The following RBL2 variants were observed in gnomAD, a reference collection of about 807,000 sequenced individuals.
RBL2 encodes RB transcriptional corepressor like 2.
A neutral mutation model predicts 126.0 loss-of-function variants in RBL2; 56 were observed. The observed-to-expected ratio is 0.44, with a 90% confidence interval of 0.36 to 0.56. The LOEUF is 0.56. Ranked by LOEUF, RBL2 falls within the 20% of genes least tolerant of loss-of-function variation. The pLI is 0.00. For synonymous variants in RBL2, 454 were observed against 478.5 expected (o/e 0.95, Z 0.67); for missense variants, 1,229 against 1,398.2 (o/e 0.88, Z 1.93).
chr16:53,435,659 G>A (rs1228449716), intron 1 of RBL2: 1 of 1,288,682 alleles, frequency 7.8e-7, no homozygotes, highest in African/African-American at 1.5e-5. Context: ...ATTTAAACCT[G>A]AGGCCATTTG....
At chr16:53,462,074 T>G (rs2058226873) in intron 10 of RBL2, among the ~76,000 whole-genome samples, 1 of 152,236 alleles carries the variant, frequency 6.6e-6, no homozygotes, top group South Asian at 2.1e-4. Flanking sequence ...GATGCTTTTT[T>G]ATCTGCAAAT....
intron 5 of RBL2, among the ~76,000 whole-genome samples, chr16:53,452,572 CT>C (rs2058125631): frequency 1.3e-5 from 2 of 152,036 alleles, no homozygotes. Context: ...TCCTCATATT[CT>C]TTTCTGTTCT....
rs764411886 is a variant in RBL2, at chr16:53,462,549, C to T, written c.1457-3C>T. ...GGGGTTTTTTTTTTTATTATTTCTACAGAAATTGCCAGCAAACATTTTCGT... is the reference window on the plus strand; with the variant it reads ...GGGGTTTTTTTTTTTATTATTTCTATAGAAATTGCCAGCAAACATTTTCGT... On this transcript the variant is annotated splice_region_variant and splice_polypyrimidine_tract_variant and intron_variant, in intron 10 of 21. Coordinates refer to ENST00000262133, the MANE Select transcript of RBL2 (RefSeq NM_005611.4). The T allele has an allele frequency of 2.7e-6, 4 of 1,495,236 alleles. No individual in the cohort carries two copies. Among genetic ancestry groups the T allele is most frequent in the Non-Finnish European group, 2.7e-6 (3 of 1,112,046 alleles). 92.6% of individuals were successfully genotyped at this position (1,495,236 alleles called of 1,614,324 possible).
At chr16:53,480,833 T>A in intron 20 of RBL2, 64 bp downstream of exon 20, 1 of 1,491,450 alleles carries the variant, frequency 6.7e-7, no homozygotes, top group African/African-American at 1.4e-5. Context: ...TCATTTATGA[T>A]TTATATATGG....
intron 15 of RBL2, 21 bp from the exon 16 acceptor site, chr16:53,470,362 G>A (rs564054623): frequency 1.2e-6 from 2 of 1,604,012 alleles, no homozygotes; most frequent in Admixed American, 3.4e-5. Context: ...TTTTCTTCAT[G>A]CTTTTTTTCT....
At position 53,459,553 on chromosome 16, in the gene RBL2, C is replaced by T. The variant is rs1303305126; in HGVS notation, c.1282C>T (p.Arg428Cys). The change falls in exon 9 of 22, where the codon CGT becomes TGT. Residue 428 changes from arginine to cysteine, a missense_variant. By Grantham distance (180) the Arg-to-Cys change is radical. Transcript: ENST00000262133. ...PVSTATHSLS[R>C]LHTMLTGLRN... ...TTCTACAGCTACGCATAGCTTGAGT[C>T]GTCTTCACACCATGCTGACAGGCCT... 6 of 1,607,054 alleles carry T rather than the reference C, an allele frequency of 3.7e-6. No homozygotes were observed. Among genetic ancestry groups the T allele is most frequent in the African/African-American group, 2.7e-5 (2 of 74,274 alleles).
chr16:53,470,753 A>G lies in RBL2; in HGVS notation c.2534A>G (p.His845Arg). ...AATGTTTTTATCTCCTAGGTATACC[A>G]TTTAGCAGCTGTCCGCCTTCGGGAT... is the stretch of plus-strand genomic sequence containing the variant. ...SLSLFFRKVY[H>R]LAAVRLRDLC... is the part of the protein sequence containing the mutation. The change falls in exon 17 of 22, where the codon CAT becomes CGT. Residue 845 changes from histidine to arginine, a missense_variant. His to Arg is a conservative substitution (Grantham distance 29). Coordinates refer to ENST00000262133, the MANE Select transcript of RBL2 (RefSeq NM_005611.4). 1 of 1,614,088 alleles carries G rather than the reference A, an allele frequency of 6.2e-7. No individual in the cohort carries two copies. Among genetic ancestry groups the G allele is most frequent in the Non-Finnish European group, 8.5e-7 (1 of 1,179,970 alleles).
In RBL2 at chr16:53,460,486, A is replaced by G. The variant is rs564725660; in HGVS notation, c.1346+869A>G. Among the ~76,000 whole-genome samples the G allele has an allele frequency of 1.5e-3, 233 of 152,160 alleles. 1 individual carries two copies. The highest frequency in any genetic ancestry group is 2.7e-3 in the Non-Finnish European group (185 of 68,016). ...TATCTCTGTGGCCTCTTCCTGAGTC[A>G]TGTTTTTCAGATGCACCTTGTTTGC... is the stretch of plus-strand genomic sequence containing the variant. On this transcript the variant is annotated intron_variant, in intron 9 of 21. Transcript: ENST00000262133.
chr16:53,437,075 A>C (rs1253663471), intron 1 of RBL2, among the ~76,000 whole-genome samples: 2 of 150,822 alleles, frequency 1.3e-5, no homozygotes, highest in Non-Finnish European at 2.9e-5. Flanking sequence ...TCCCTCCACC[A>C]TCCAAGTAGT....
At chr16:53,485,430 A>C (rs1020715646) in intron 21 of RBL2, among the ~76,000 whole-genome samples, 1 of 152,214 alleles carries the variant, frequency 6.6e-6, no homozygotes, top group Non-Finnish European at 1.5e-5. Context: ...AAATACATAC[A>C]CCTATGTTCC....
At chr16:53,487,561 A>T (rs1961224324) in intron 21 of RBL2, 1 of 152,244 alleles carries the variant, frequency 6.6e-6, no homozygotes, top group South Asian at 2.1e-4. Flanking sequence ...CACAGACATA[A>T]ATGTAAAATC....
chr16:53,453,188 C>T (rs1166979294), intron 5 of RBL2, among the ~76,000 whole-genome samples: 1 of 151,958 alleles, frequency 6.6e-6, no homozygotes, highest in East Asian at 1.9e-4. Context: ...AATTTGATAT[C>T]CTAAAATTTA....
chr16:53,434,600 C>A lies in RBL2; in HGVS notation c.44C>A (p.Pro15His), dbSNP rs1333197034. 2 of 1,550,394 alleles carry A rather than the reference C, an allele frequency of 1.3e-6. No individual in the cohort carries two copies. Among genetic ancestry groups the A allele is most frequent in the African/African-American group, 2.8e-5 (2 of 71,756 alleles). The change falls in exon 1 of 22, where the codon CCT (proline) becomes CAT (histidine). Residue 15 changes from proline to histidine, a missense_variant. By Grantham distance (77) the Pro-to-His change is moderately conservative. Coordinates refer to ENST00000262133, the MANE Select transcript of RBL2 (RefSeq NM_005611.4). The stretch of plus-strand genomic sequence containing the variant: ...CAGTCGCCACCGCCCCCGCCTCCCC[C>A]TCCGGCGGCGGCAGCCTCGGATGAG... ...GDQSPPPPPPPPAAAASDEEE... is the reference protein window; with the variant it reads ...GDQSPPPPPPHPAAAASDEEE...
Position 53,461,802 on chromosome 16 carries a change from T to C in RBL2, c.1408T>C (p.Tyr470His), listed in dbSNP as rs2058223736. The C allele has an allele frequency of 1.2e-6, 2 of 1,611,942 alleles. No homozygotes were observed. The highest frequency in any genetic ancestry group is 1.7e-6 in the Non-Finnish European group (2 of 1,179,100). The change falls in exon 10 of 22, where the codon TAT becomes CAT. Residue 470 changes from tyrosine (Y) to histidine (H), a missense_variant. Transcript: ENST00000262133. ...ANRLKEMFEI[Y>H]SQHFQPDEDF... ...CAGACTGAAAGAAATGTTTGAAATA[T>C]ATTCTCAGCATTTCCAGCCAGACGA...
intron 1 of RBL2, among the ~76,000 whole-genome samples, 192 bp downstream of exon 1, chr16:53,434,988 C>T (rs376366186): frequency 2.6e-4 from 40 of 152,292 alleles, no homozygotes; most frequent in African/African-American, 7.9e-4. Context: ...CCGCGCTTTC[C>T]TGCGGCTTCC....
At chr16:53,465,141 A>G (rs2058260804) in intron 12 of RBL2, among the ~76,000 whole-genome samples, 1 of 152,198 alleles carries the variant, frequency 6.6e-6, no homozygotes, top group African/African-American at 2.4e-5. Context: ...AGTCAAAACT[A>G]ATTTTTATAG....
chr16:53,446,563 G>C (rs2058063969), intron 3 of RBL2, among the ~76,000 whole-genome samples: 1 of 152,104 alleles, frequency 6.6e-6, no homozygotes, highest in Non-Finnish European at 1.5e-5. Context: ...ATGGATGGAA[G>C]TATAAGGAAT....
At position 53,445,528 on chromosome 16, in the gene RBL2, A is replaced by G. The variant is rs148738412; in HGVS notation, c.573-1514A>G. Reference sequence around the variant, plus strand: ...CTGACAACCTTGTGATACTCATACTATTGTTAGATAGAGAAAATTAGCCGC... The same window carrying G: ...CTGACAACCTTGTGATACTCATACTGTTGTTAGATAGAGAAAATTAGCCGC... On this transcript the variant is annotated intron_variant, in intron 3 of 21. Coordinates refer to ENST00000262133, the MANE Select transcript of RBL2 (RefSeq NM_005611.4). 4.8e-3 allele frequency among the ~76,000 whole-genome samples: 732 copies of G among 152,226 alleles called. 2 individuals carry two copies. Among genetic ancestry groups the G allele is most frequent in the African/African-American group, 0.017 (703 of 41,530 alleles).
intron 9 of RBL2, among the ~76,000 whole-genome samples, chr16:53,461,293 G>A (rs527806287): frequency 2.6e-5 from 4 of 152,300 alleles, no homozygotes; most frequent in Admixed American, 2.6e-4. Flanking sequence ...AGGAGTTCGA[G>A]ACCAGCCTGG....
Sources: gnomAD v4.1 joint callset for allele counts (sites outside exome capture counted in the v4.1 genomes callset) on GRCh38, gnomAD v4.1.1 for gene constraint, MANE v1.5 for transcripts, NCBI Gene and HGNC (gene_info 2026-07-23, HGNC 2026-07-21) for gene names.